The following LMO7 variants were observed in gnomAD, a reference collection of about 807,000 sequenced individuals.
The protein encoded by LMO7 is LIM domain only protein 7.
A neutral mutation model predicts 206.5 loss-of-function variants in LMO7; 120 were observed. The observed-to-expected ratio is 0.58, with a 90% CI of 0.50 to 0.68. LMO7 has a LOEUF of 0.68. LMO7 is among the 30% of genes least tolerant of loss of function. The probability of loss-of-function intolerance (pLI) is 0.00; values close to 1 mark genes in which losing one functional copy is unlikely to be tolerated. For synonymous variants in LMO7, 706 were observed against 681.5 expected (o/e 1.04, Z -0.56); for missense variants, 1,959 against 1,957.9 (o/e 1.00, Z -0.01).
chr13:75,711,736 T>G (rs2043144377), intron 1 of LMO7, among the ~76,000 whole-genome samples: 1 of 152,226 alleles, frequency 6.6e-6, no homozygotes, highest in African/African-American at 2.4e-5. Context: ...CTGTTCCTAT[T>G]TGGCCATCTT....
intron 4 of LMO7, among the ~76,000 whole-genome samples, chr13:75,793,747 A>G (rs1227614021): frequency 6.6e-6 from 1 of 152,208 alleles, no homozygotes; most frequent in Non-Finnish European, 1.5e-5. Context: ...AACTGAGCAC[A>G]CCTGAGTAGC....
intron 1 of LMO7, among the ~76,000 whole-genome samples, chr13:75,707,859 AGG>A (rs942280882): frequency 2.0e-5 from 3 of 150,618 alleles, no homozygotes; most frequent in African/African-American, 7.3e-5. Flanking sequence ...TAGATATATG[AGG>A]GGGTCTTCAG....
intron 25 of LMO7, 56 bp downstream of exon 25, chr13:75,842,972 C>T (rs1458409753): frequency 1.9e-6 from 2 of 1,052,892 alleles, no homozygotes; most frequent in Admixed American, 1.7e-5. Flanking sequence ...AGACAATATT[C>T]CAGAGCTTGC....
At chr13:75,790,188 TG>T (rs1387871169) in intron 4 of LMO7, among the ~76,000 whole-genome samples, 1 of 152,094 alleles carries the variant, frequency 6.6e-6, no homozygotes, top group Non-Finnish European at 1.5e-5. Context: ...AAAACTGTGT[TG>T]GGGGTGGAGG....
intron 4 of LMO7, among the ~76,000 whole-genome samples, chr13:75,792,049 C>T (rs1044601651): frequency 1.3e-5 from 2 of 152,012 alleles, no homozygotes; most frequent in Non-Finnish European, 2.9e-5. Context: ...GTCACTGCAG[C>T]CTTGAATTCC....
intron 1 of LMO7, among the ~76,000 whole-genome samples, chr13:75,712,504 C>T (rs1034053819): frequency 1.1e-4 from 17 of 152,178 alleles, no homozygotes; most frequent in Non-Finnish European, 1.2e-4. Flanking sequence ...CTAGAGGTTT[C>T]ACCAACATTA....
chr13:75,856,877 A>C, intron 30 of LMO7: 1 of 280,832 alleles, frequency 3.6e-6, no homozygotes, highest in Non-Finnish European at 6.8e-6. Context: ...TTATCTGCCC[A>C]GAGTCCGCAG....
At chr13:75,814,914 G>A (rs1474356803) in intron 11 of LMO7, among the ~76,000 whole-genome samples, 1 of 152,216 alleles carries the variant, frequency 6.6e-6, no homozygotes, top group African/African-American at 2.4e-5. Context: ...AGGGAAGCCA[G>A]TTGGCTGGAG....
chr13:75,757,229 A>G (rs2047747746), intron 3 of LMO7, among the ~76,000 whole-genome samples: 1 of 152,178 alleles, frequency 6.6e-6, no homozygotes, highest in African/African-American at 2.4e-5. Flanking sequence ...GCCGCCTTGG[A>G]AACAGCTCCT....
Position 75,796,742 on chromosome 13 carries a change from T to C in LMO7, c.455T>C (p.Leu152Pro), listed in dbSNP as rs368113687. 6 of 1,590,106 alleles carry C rather than the reference T, an allele frequency of 3.8e-6. No individual in the cohort carries two copies. In the African/African-American group the frequency reaches 8.1e-5, roughly 21 times the overall value. The stretch of plus-strand genomic sequence containing the variant: ...TTTGAGAATCTTTTAGGACAAGCAC[T>C]GACGAAGGTAAGTAAACTACATCTG... ...KAFENLLGQA[L>P]TKALEDSSFL... is the part of the protein sequence containing the mutation. The change falls in exon 6 of 31, where the codon CTG becomes CCG. Residue 152 changes from leucine (L) to proline (P), a missense_variant. Leu to Pro is a moderately conservative substitution (Grantham distance 98). Transcript: ENST00000377534.
chr13:75,634,856 A>T (rs2035542535), upstream of LMO7, among the ~76,000 whole-genome samples: 6 of 151,022 alleles, frequency 4.0e-5, no homozygotes, highest in South Asian at 1.3e-3. Context: ...AAATATAAAA[A>T]CTAGCTGGGC....
chr13:75,775,467 A>C (rs889820983), intron 4 of LMO7, among the ~76,000 whole-genome samples: 1 of 152,084 alleles, frequency 6.6e-6, no homozygotes, highest in African/African-American at 2.4e-5. Flanking sequence ...TGAGACTTAA[A>C]TGGATTAAAC....
rs1020392592 is a variant in LMO7, at chr13:75,805,674, C to T, written c.1110C>T (p.Pro370=). Residue 370 remains proline, a synonymous_variant, in exon 9 of 31, where the codon CCC becomes CCT. Coordinates refer to ENST00000377534, the MANE Select transcript of LMO7 (RefSeq NM_001306080.2). The part of the protein sequence containing the change: ...NPGNAFDQFL[P]KCWTPEDVNW... ...GGAATGCTTTTGATCAGTTTCTTCC[C>T]AAATGTTGGACCCCAGAAGATGTGA... 1.3e-5 allele frequency: 21 copies of T among 1,613,822 alleles called. No individual in the cohort carries two copies. Among genetic ancestry groups the T allele is most frequent in the African/African-American group, 4.0e-5 (3 of 74,910 alleles).
At chr13:75,735,599 C>A (rs1416810282) in intron 3 of LMO7, among the ~76,000 whole-genome samples, 1 of 151,246 alleles carries the variant, frequency 6.6e-6, no homozygotes, top group Non-Finnish European at 1.5e-5. Flanking sequence ...GTAGCTGGGA[C>A]TACAGGCGCG....
chr13:75,746,491 G>C (rs999374556), intron 3 of LMO7, among the ~76,000 whole-genome samples: 1 of 152,154 alleles, frequency 6.6e-6, no homozygotes, highest in Non-Finnish European at 1.5e-5. Context: ...TGGCCTGCGG[G>C]TGGGTTTTGT....
chr13:75,653,803 G>A (rs2037798130), intron 1 of LMO7, among the ~76,000 whole-genome samples: 1 of 152,130 alleles, frequency 6.6e-6, no homozygotes, highest in Non-Finnish European at 1.5e-5. Context: ...TGCAATTCTG[G>A]TACCATAAGT....
chr13:75,819,946 G>T (rs2057411181), intron 13 of LMO7, among the ~76,000 whole-genome samples: 1 of 151,976 alleles, frequency 6.6e-6, no homozygotes. Flanking sequence ...CATGTTTAAT[G>T]GTGCAATTCA....
intron 4 of LMO7, among the ~76,000 whole-genome samples, chr13:75,768,049 T>C (rs530966412): frequency 1.7e-4 from 26 of 151,790 alleles, no homozygotes; most frequent in Middle Eastern, 6.8e-3. Context: ...AAAGATGTTG[T>C]AATGATTAAA....
At chr13:75,781,916 A>T (rs2051517882) in intron 4 of LMO7, among the ~76,000 whole-genome samples, 1 of 152,154 alleles carries the variant, frequency 6.6e-6, no homozygotes, top group Non-Finnish European at 1.5e-5. Context: ...TTGGCTGCAT[A>T]AATATCTTCT....
Sources: gnomAD v4.1 joint callset for allele counts (sites outside exome capture counted in the v4.1 genomes callset) on GRCh38, gnomAD v4.1.1 for gene constraint, MANE v1.5 for transcripts, NCBI Gene and HGNC (gene_info 2026-07-23, HGNC 2026-07-21) for gene names.